DCLK1: variants seen among roughly 807,000 people sequenced by gnomAD.
The protein encoded by DCLK1 is serine/threonine-protein kinase DCLK1.
DCLK1 carries 16 observed loss-of-function variants against 86.2 expected under a neutral mutation model. That is an observed-to-expected ratio of 0.19 (90% CI 0.13 to 0.28). The LOEUF is 0.28. Among genes scored for constraint, DCLK1 ranks in the 10% least tolerant of loss-of-function variants. DCLK1 has a pLI of 1.00. For missense variants in DCLK1, 590 were observed against 940.2 expected, an observed-to-expected ratio of 0.63 and a Z score of 4.87; for synonymous variants, 369 against 370.5, an observed-to-expected ratio of 1.00 and a Z score of 0.05.
chr13:35,827,548 G>T (rs746607461), intron 10 of DCLK1, 87 bp downstream of exon 10: 312 of 1,497,636 alleles, frequency 2.1e-4, no homozygotes, highest in Non-Finnish European at 2.8e-4. Context: ...CCTGAATACT[G>T]ATGGGAGAAA....
At chr13:35,943,429 G>A (rs928064646) in intron 4 of DCLK1, among the ~76,000 whole-genome samples, 1 of 152,120 alleles carries the variant, frequency 6.6e-6, no homozygotes, top group Non-Finnish European at 1.5e-5. Context: ...AGCAGCCCTA[G>A]GAAATTCATT....
At chr13:36,074,612 T>TA (rs911796758) in intron 3 of DCLK1, among the ~76,000 whole-genome samples, 1 of 144,852 alleles carries the variant, frequency 6.9e-6, no homozygotes, top group Non-Finnish European at 1.5e-5. Flanking sequence ...ACTGAAAAAA[T>TA]AGAGTTGAGG....
chr13:35,907,940 CTTTAAG>C (rs924387697), intron 4 of DCLK1, among the ~76,000 whole-genome samples: 2 of 150,838 alleles, frequency 1.3e-5, no homozygotes, highest in African/African-American at 4.9e-5. Flanking sequence ...TATAAATTAT[CTTTAAG>C]TTTAAAAATA....
At chr13:36,048,329 C>A (rs547077152) in intron 3 of DCLK1, among the ~76,000 whole-genome samples, 4 of 151,990 alleles carry the variant, frequency 2.6e-5, no homozygotes, top group African/African-American at 9.7e-5. Flanking sequence ...TAAAAATATT[C>A]TTTTATATTG....
At chr13:36,091,253 G>A (rs947345143) in intron 3 of DCLK1, among the ~76,000 whole-genome samples, 2 of 151,936 alleles carry the variant, frequency 1.3e-5, no homozygotes, top group Non-Finnish European at 2.9e-5. Flanking sequence ...AGTCATGCAG[G>A]GCTTAAAACC....
At chr13:36,087,853 G>A (rs1020194780) in intron 3 of DCLK1, among the ~76,000 whole-genome samples, 1 of 152,162 alleles carries the variant, frequency 6.6e-6, no homozygotes, top group Non-Finnish European at 1.5e-5. Context: ...GAAACAAGGG[G>A]AAGGCAGGGA....
At chr13:36,109,761 C>G (rs1374645772) in intron 3 of DCLK1, among the ~76,000 whole-genome samples, 2 of 152,156 alleles carry the variant, frequency 1.3e-5, no homozygotes, top group Non-Finnish European at 2.9e-5. Context: ...AGACTTGAAT[C>G]CTGGTTTTTT....
intron 10 of DCLK1, among the ~76,000 whole-genome samples, chr13:35,824,119 A>G (rs1368575060): frequency 1.3e-5 from 2 of 152,196 alleles, no homozygotes; most frequent in African/African-American, 4.8e-5. Context: ...GTGTGGCTGT[A>G]TATGGAGACC....
intron 3 of DCLK1, among the ~76,000 whole-genome samples, chr13:36,036,946 C>T (rs369234854): frequency 3.3e-5 from 5 of 152,116 alleles, no homozygotes; most frequent in East Asian, 1.9e-4. Flanking sequence ...TCTATTGCAG[C>T]GCTAGTCACA....
chr13:35,856,572 AT>A (rs1301109669), intron 5 of DCLK1, among the ~76,000 whole-genome samples: 3 of 152,232 alleles, frequency 2.0e-5, no homozygotes, highest in African/African-American at 4.8e-5. Context: ...TATCCAGCTA[AT>A]GGAAAATGAA....
intron 15 of DCLK1, among the ~76,000 whole-genome samples, chr13:35,804,525 C>G (rs775915971): frequency 6.7e-6 from 1 of 150,302 alleles, no homozygotes; most frequent in African/African-American, 2.5e-5. Flanking sequence ...CTCTGCCTCC[C>G]GGGTTCAAGT....
At chr13:35,788,387 T>C in intron 16 of DCLK1, 1 of 1,027,028 alleles carries the variant, frequency 9.7e-7, no homozygotes, top group Non-Finnish European at 1.5e-6. Flanking sequence ...GTATATATAG[T>C]TACGATGCCT....
At chr13:35,846,933 T>C (rs1016055179) in intron 6 of DCLK1, 11 of 985,328 alleles carry the variant, frequency 1.1e-5, no homozygotes, top group Non-Finnish European at 1.2e-5. Flanking sequence ...TTATCTGGCT[T>C]TGTTATTAAA....
intron 4 of DCLK1, among the ~76,000 whole-genome samples, chr13:35,945,556 A>G (rs1303963804): frequency 3.3e-5 from 5 of 152,184 alleles, no homozygotes; most frequent in African/African-American, 1.2e-4. Context: ...TTTCTATATC[A>G]AAGCAACAAA....
chr13:35,894,334 A>G (rs967205606), intron 4 of DCLK1, among the ~76,000 whole-genome samples: 1 of 152,188 alleles, frequency 6.6e-6, no homozygotes, highest in Non-Finnish European at 1.5e-5. Context: ...AGGGGCACAC[A>G]GCTACACGGC....
chr13:35,828,187 A>AAC, intron 9 of DCLK1, 63 bp downstream of exon 9: 2 of 1,356,234 alleles, frequency 1.5e-6, no homozygotes, highest in Non-Finnish European at 2.1e-6. Flanking sequence ...TTTGGGAGTG[A>AAC]TCTTTGTGTT....
At chr13:36,123,724 G>A (rs537843730) in intron 2 of DCLK1, among the ~76,000 whole-genome samples, 2 of 152,372 alleles carry the variant, frequency 1.3e-5, no homozygotes, top group South Asian at 2.1e-4. Context: ...ATCATTGTGA[G>A]AATTAAATGT....
intron 15 of DCLK1, among the ~76,000 whole-genome samples, chr13:35,801,020 G>A (rs34798329): frequency 0.015 from 2,313 of 152,056 alleles, 25 homozygotes; most frequent in Middle Eastern, 0.034. Flanking sequence ...CACTGCACCC[G>A]GCCAAGACTG....
chr13:36,026,383 C>CAGT (rs1882035224), intron 3 of DCLK1, among the ~76,000 whole-genome samples: 1 of 152,140 alleles, frequency 6.6e-6, no homozygotes, highest in Non-Finnish European at 1.5e-5. Context: ...AACCCACAGC[C>CAGT]AACTGTCAAC....
Sources: allele counts gnomAD v4.1 joint callset (sites outside exome capture counted in the v4.1 genomes callset), GRCh38; gene constraint gnomAD v4.1.1; transcripts MANE v1.5; gene names NCBI Gene and HGNC (gene_info 2026-07-23, HGNC 2026-07-21).